Variants in COBLL1 observed in about 807,000 individuals in gnomAD.
COBLL1 encodes the protein cordon-bleu protein-like 1.
A neutral mutation model predicts 94.8 loss-of-function variants in COBLL1; 50 were observed. The ratio of observed to expected loss-of-function variants is 0.53; its 90% CI spans 0.42 to 0.67. COBLL1 has a LOEUF of 0.67. COBLL1 is among the 30% of genes least tolerant of loss of function. The pLI is 0.00. For synonymous variants in COBLL1, 448 were observed against 473.8 expected (o/e 0.95, Z 0.71); for missense variants, 1,362 against 1,348.7 (o/e 1.01, Z -0.15).
At chr2:164,786,952 C>A (rs1559015527) in intron 2 of COBLL1, among the ~76,000 whole-genome samples, 1 of 152,114 alleles carries the variant, frequency 6.6e-6, no homozygotes, top group African/African-American at 2.4e-5. Context: ...CCTCCACAGA[C>A]CAGGGAAAGG....
At chr2:164,800,514 C>A in intron 2 of COBLL1, 1 of 701,162 alleles carries the variant, frequency 1.4e-6, no homozygotes. Flanking sequence ...CTAGAAGTTT[C>A]TTATTAAATA....
intron 1 of COBLL1, among the ~76,000 whole-genome samples, chr2:164,669,416 A>C (rs990579130): frequency 1.3e-5 from 2 of 152,262 alleles, no homozygotes; most frequent in African/African-American, 4.8e-5. Flanking sequence ...TGGCTTGTCC[A>C]CTTATGTTTC....
chr2:164,789,020 AACACACACACACACACACACACAC>A (rs56773751), intron 2 of COBLL1, among the ~76,000 whole-genome samples: 8 of 141,562 alleles, frequency 5.7e-5, no homozygotes, highest in African/African-American at 1.3e-4. Context: ...TAGAGGTTTA[AACACACACACACACACACACACAC>A]ACACACACAC....
chr2:164,741,527 TAAA>T (rs548956601), intron 3 of COBLL1, among the ~76,000 whole-genome samples: 1 of 137,286 alleles, frequency 7.3e-6, no homozygotes, highest in African/African-American at 2.7e-5. Context: ...AGTTCCCAAT[TAAA>T]AAAAAAAAAA....
intron 2 of COBLL1, among the ~76,000 whole-genome samples, chr2:164,777,314 T>A (rs930473291): frequency 2.0e-5 from 3 of 148,534 alleles, no homozygotes; most frequent in Non-Finnish European, 4.4e-5. Flanking sequence ...AGAACAAAAA[T>A]TCACTAAATC....
chr2:164,801,045 A>G (rs998277199), intron 2 of COBLL1, among the ~76,000 whole-genome samples: 1 of 152,174 alleles, frequency 6.6e-6, no homozygotes. Flanking sequence ...CACATCTGGA[A>G]TCCCAACTCT....
chr2:164,780,216 G>A (rs913935012), intron 2 of COBLL1, among the ~76,000 whole-genome samples: 5 of 152,038 alleles, frequency 3.3e-5, no homozygotes, highest in African/African-American at 9.7e-5. Flanking sequence ...AGTAATAACC[G>A]CCACTAAGGG....
intron 9 of COBLL1, among the ~76,000 whole-genome samples, chr2:164,704,068 T>G (rs1684456027): frequency 6.6e-6 from 1 of 152,172 alleles, no homozygotes; most frequent in African/African-American, 2.4e-5. Flanking sequence ...ATCAAGAAAT[T>G]GTGCTTACAC....
intron 1 of COBLL1, among the ~76,000 whole-genome samples, chr2:164,666,581 G>A (rs1691162259): frequency 1.3e-5 from 2 of 152,154 alleles, no homozygotes; most frequent in South Asian, 4.1e-4. Context: ...AGCATGCAAT[G>A]CTGTTTGATA....
At chr2:164,801,110 G>A (rs1683756968) in intron 2 of COBLL1, among the ~76,000 whole-genome samples, 1 of 151,934 alleles carries the variant, frequency 6.6e-6, no homozygotes, top group African/African-American at 2.4e-5. Flanking sequence ...CCAGCCTGGG[G>A]AACATAGTGA....
At position 164,809,878 on chromosome 2, in the gene COBLL1, C is replaced by A. The variant is rs549839827; in HGVS notation, c.41+31278G>T. On this transcript the variant is annotated intron_variant, in intron 2 of 13. Coordinates refer to ENST00000652658, the MANE Select transcript of COBLL1 (RefSeq NM_001365672.2). ...AACTAGAATTTTATATATAAAGAAC[C>A]ACACAATTCTGGTAATTATTTAAAC... Among the ~76,000 whole-genome samples the A allele has an allele frequency of 2.7e-3, 415 of 151,376 alleles. 2 individuals are homozygous for A. Among genetic ancestry groups the A allele is most frequent in the Non-Finnish European group, 4.6e-3 (314 of 67,562 alleles).
At chr2:164,836,613 ATATACT>A (rs1683332235) in intron 2 of COBLL1, among the ~76,000 whole-genome samples, 1 of 152,220 alleles carries the variant, frequency 6.6e-6, no homozygotes, top group African/African-American at 2.4e-5. Flanking sequence ...AATGAAGTTA[ATATACT>A]TATTCAAAAA....
At chr2:164,674,392 C>T (rs944092781) in intron 1 of COBLL1, among the ~76,000 whole-genome samples, 1 of 152,080 alleles carries the variant, frequency 6.6e-6, no homozygotes, top group Non-Finnish European at 1.5e-5. Flanking sequence ...ATTCTTTCAA[C>T]AAACATTTAT....
chr2:164,743,494 C>G, intron 3 of COBLL1, 193 bp downstream of exon 3: 1 of 530,370 alleles, frequency 1.9e-6, no homozygotes, highest in Non-Finnish European at 3.3e-6. Context: ...TTGTGGAATT[C>G]ATAGCACTGA....
intron 2 of COBLL1, among the ~76,000 whole-genome samples, chr2:164,757,775 G>T (rs1247351175): frequency 6.6e-6 from 1 of 151,810 alleles, no homozygotes; most frequent in Non-Finnish European, 1.5e-5. Context: ...TCATGCCACT[G>T]CACTCCAGCC....
intron 10 of COBLL1, 57 bp from the exon 11 acceptor site, chr2:164,699,556 C>A: frequency 1.0e-6 from 1 of 954,096 alleles, no homozygotes; most frequent in South Asian, 1.3e-5. Context: ...CACACATACA[C>A]ACACACACAG....
chr2:164,802,244 T>C (rs190666610), intron 2 of COBLL1, among the ~76,000 whole-genome samples: 20 of 152,336 alleles, frequency 1.3e-4, no homozygotes, highest in Non-Finnish European at 2.6e-4. Context: ...GTTTCCACTT[T>C]GTAAACCTCA....
intron 3 of COBLL1, among the ~76,000 whole-genome samples, chr2:164,737,643 T>C (rs768384558): frequency 6.6e-6 from 1 of 152,188 alleles, no homozygotes; most frequent in Non-Finnish European, 1.5e-5. Context: ...ACATTTGTCA[T>C]CACTGGACAC....
intron 2 of COBLL1, among the ~76,000 whole-genome samples, chr2:164,762,231 C>T (rs1420766635): frequency 2.0e-5 from 3 of 152,190 alleles, no homozygotes; most frequent in Non-Finnish European, 4.4e-5. Flanking sequence ...CCTGACCATG[C>T]TCTTTGGCCA....
Sources: allele counts gnomAD v4.1 joint callset (sites outside exome capture counted in the v4.1 genomes callset), GRCh38; gene constraint gnomAD v4.1.1; transcripts MANE v1.5; gene names NCBI Gene and HGNC (gene_info 2026-07-23, HGNC 2026-07-21).